GLMN: variants seen among roughly 807,000 people sequenced by gnomAD.
GLMN encodes the protein glomulin.
A neutral mutation model predicts 87.8 loss-of-function variants in GLMN; 75 were observed. The observed-to-expected ratio is 0.85, with a 90% CI of 0.71 to 1.04. GLMN has a LOEUF of 1.04. GLMN is among the 50% of genes least tolerant of loss of function. The pLI is 0.00. For synonymous variants in GLMN, 206 were observed against 221.6 expected (o/e 0.93, Z 0.63); for missense variants, 588 against 658.8 (o/e 0.89, Z 1.18).
chr1:92,284,932 T>C (rs1357939774), intron 7 of GLMN, among the ~76,000 whole-genome samples: 2 of 152,146 alleles, frequency 1.3e-5, no homozygotes, highest in Non-Finnish European at 2.9e-5. Flanking sequence ...TCACGCCAGT[T>C]AGAATGGTGA....
the GLMN span, among the ~76,000 whole-genome samples, chr1:92,339,804 C>G: frequency 1.3e-5 from 2 of 152,102 alleles, no homozygotes; most frequent in African/African-American, 4.8e-5. Context: ...CTGCCCTTTT[C>G]CTCTTATAAA....
chr1:92,331,497 T>C, the GLMN span, among the ~76,000 whole-genome samples: 4 of 152,194 alleles, frequency 2.6e-5, no homozygotes, highest in East Asian at 5.8e-4. Context: ...ACTCTTTTAC[T>C]GATCATTAAA....
the GLMN span, chr1:92,363,706 C>G: frequency 2.9e-6 from 1 of 342,602 alleles, no homozygotes. Context: ...TCCTCCTCCT[C>G]AGCCTACTCA....
At chr1:92,308,656 G>A in the GLMN span, among the ~76,000 whole-genome samples, 1 of 152,078 alleles carries the variant, frequency 6.6e-6, no homozygotes, top group Admixed American at 6.6e-5. Context: ...CCTTCCTTTA[G>A]CTAATTTAAA....
chr1:92,262,155 A>AT (rs766482617), intron 16 of GLMN, among the ~76,000 whole-genome samples: 2 of 152,106 alleles, frequency 1.3e-5, no homozygotes, highest in Admixed American at 6.5e-5. Context: ...TTTAAAAAAA[A>AT]TTTTCTTTGG....
chr1:92,283,887 A>G (rs928072937), intron 7 of GLMN, among the ~76,000 whole-genome samples: 1 of 152,208 alleles, frequency 6.6e-6, no homozygotes, highest in Non-Finnish European at 1.5e-5. Flanking sequence ...CAAAGAGAAT[A>G]AAATAGCTAG....
upstream of GLMN, among the ~76,000 whole-genome samples, chr1:92,299,988 T>A (rs1650693490): frequency 6.6e-6 from 1 of 152,186 alleles, no homozygotes; most frequent in African/African-American, 2.4e-5. Context: ...ACTTACACAC[T>A]AGGCTATATG....
At chr1:92,313,631 A>C in the GLMN span, among the ~76,000 whole-genome samples, 2 of 152,144 alleles carry the variant, frequency 1.3e-5, no homozygotes, top group Non-Finnish European at 2.9e-5. Context: ...GCTTCAACTT[A>C]AAGTTACCAG....
the GLMN span, among the ~76,000 whole-genome samples, chr1:92,325,930 T>C: frequency 1.1e-4 from 16 of 152,196 alleles, no homozygotes; most frequent in African/African-American, 3.9e-4. Flanking sequence ...ACCATTTATT[T>C]ATGCTAATGG....
chr1:92,351,499 T>C, the GLMN span, among the ~76,000 whole-genome samples: 1 of 152,054 alleles, frequency 6.6e-6, no homozygotes, highest in African/African-American at 2.4e-5. Context: ...TTTTTTGAGA[T>C]TTAACTGGTA....
At chr1:92,324,435 C>A in the GLMN span, 1 of 1,233,238 alleles carries the variant, frequency 8.1e-7, no homozygotes, top group Non-Finnish European at 1.2e-6. Context: ...CTCACCACAG[C>A]AAATCTTGGA....
upstream of GLMN, chr1:92,300,182 T>C: frequency 6.3e-7 from 1 of 1,596,778 alleles, no homozygotes; most frequent in African/African-American, 1.3e-5. Context: ...CATGACTGTA[T>C]TTTTATTGTA....
At chr1:92,363,675 G>A in the GLMN span, 1 of 291,372 alleles carries the variant, frequency 3.4e-6, no homozygotes, top group Non-Finnish European at 6.7e-6. Flanking sequence ...AAGATAGCAA[G>A]ACCAACCCCA....
At chr1:92,310,191 A>G in the GLMN span, among the ~76,000 whole-genome samples, 2 of 152,174 alleles carry the variant, frequency 1.3e-5, no homozygotes, top group Non-Finnish European at 2.9e-5. Context: ...GTATAACCAT[A>G]TCAGTATCTT....
the GLMN span, among the ~76,000 whole-genome samples, chr1:92,337,283 T>G: frequency 6.6e-6 from 1 of 152,158 alleles, no homozygotes; most frequent in African/African-American, 2.4e-5. Context: ...GAACAGTTTC[T>G]TGGCATAGTC....
intron 16 of GLMN, among the ~76,000 whole-genome samples, chr1:92,255,179 G>C (rs935123497): frequency 6.6e-6 from 1 of 151,728 alleles, no homozygotes; most frequent in Middle Eastern, 3.2e-3. Context: ...TTACATAATG[G>C]TAAAGGGATC....
chr1:92,290,141 C>T (rs1649228256), intron 5 of GLMN, 57 bp downstream of exon 5: 2 of 953,072 alleles, frequency 2.1e-6, no homozygotes, highest in African/African-American at 1.6e-5. Flanking sequence ...TTTGAGGTAA[C>T]CATCAAGGCA....
chr1:92,269,359 G>A (rs926734510), intron 9 of GLMN, among the ~76,000 whole-genome samples: 3 of 152,120 alleles, frequency 2.0e-5, no homozygotes, highest in African/African-American at 7.2e-5. Flanking sequence ...TGTCCATGAA[G>A]GAAAAATACG....
chr1:92,331,577 G>A, the GLMN span, among the ~76,000 whole-genome samples: 3 of 151,922 alleles, frequency 2.0e-5, no homozygotes, highest in African/African-American at 4.8e-5. Context: ...TACTTTTATT[G>A]CTTCCTGGAC....
Sources: allele counts gnomAD v4.1 joint callset (sites outside exome capture counted in the v4.1 genomes callset), GRCh38; gene constraint gnomAD v4.1.1; transcripts MANE v1.5; gene names NCBI Gene and HGNC (gene_info 2026-07-23, HGNC 2026-07-21).